TAMM41: variants seen among roughly 807,000 people sequenced by gnomAD.
The protein encoded by TAMM41 is TAM41 mitochondrial translocator assembly and maintenance homolog.
In TAMM41, 36 loss-of-function variants were observed where a neutral mutation model predicts 44.1. The observed-to-expected ratio is 0.82, with a 90% confidence interval of 0.63 to 1.08. TAMM41 has a LOEUF of 1.08. TAMM41 is among the 50% of genes least tolerant of loss of function. The probability of loss-of-function intolerance (pLI) is 0.00; values close to 1 mark genes in which losing one functional copy is unlikely to be tolerated. For missense variants in TAMM41, 417 were observed against 404.3 expected (o/e 1.03, Z -0.27); for synonymous variants, 164 against 153.1 (o/e 1.07, Z -0.53).
At chr3:11,751,089 CT>C in the TAMM41 span, among the ~76,000 whole-genome samples, 386 of 130,238 alleles carry the variant, frequency 3.0e-3, no homozygotes, top group East Asian at 9.7e-3. Flanking sequence ...ACAGATGATA[CT>C]TTTTTTTTTT....
chr3:11,735,217 G>A, the TAMM41 span, among the ~76,000 whole-genome samples: 2 of 151,982 alleles, frequency 1.3e-5, no homozygotes, highest in Non-Finnish European at 1.5e-5. Flanking sequence ...AATCAGCCAG[G>A]CATGGTGGTG....
At position 11,809,558 on chromosome 3, in the gene TAMM41, T is replaced by C. The variant is rs987981883; in HGVS notation, c.833A>G (p.Gln278Arg). 3 of 1,614,164 alleles carry C rather than the reference T, an allele frequency of 1.9e-6. No homozygotes were observed. Among genetic ancestry groups the C allele is most frequent in the Non-Finnish European group, 2.5e-6 (3 of 1,180,036 alleles). ...KNRDVEETLF[Q>R]VAHDPDCGDV... The stretch of plus-strand genomic sequence containing the variant: ...TCCACAGTCGGGATCATGAGCCACT[T>C]GGAATAAAGTTTCTTCCACATCTCT... Residue 278 changes from glutamine (Q) to arginine (R), a missense_variant, in exon 6 of 8, where the codon CAA becomes CGA. By Grantham distance (43) the Gln-to-Arg change is conservative (BLOSUM62 1). Coordinates refer to ENST00000455809, the MANE Select transcript of TAMM41 (RefSeq NM_001284401.2).
At chr3:11,760,689 A>G in the TAMM41 span, among the ~76,000 whole-genome samples, 1 of 151,842 alleles carries the variant, frequency 6.6e-6, no homozygotes. Flanking sequence ...GCCTCCTGAG[A>G]AGCTGGGACT....
chr3:11,817,176 T>C lies in TAMM41; in HGVS notation c.708+16A>G. 1 of 1,601,798 alleles carries C rather than the reference T, an allele frequency of 6.2e-7. No homozygotes were observed. Among genetic ancestry groups the C allele is most frequent in the Non-Finnish European group, 8.5e-7 (1 of 1,171,172 alleles). ...TGTCTTAGAAACAATACAAGCTATT[T>C]TCCACATACAGTTACCTCCAGCCAG... On this transcript the variant is annotated intron_variant, in intron 5 of 7. Transcript: ENST00000455809.
chr3:11,836,744 G>A (rs540414370), intron 3 of TAMM41, among the ~76,000 whole-genome samples: 7 of 152,296 alleles, frequency 4.6e-5, no homozygotes, highest in South Asian at 4.1e-4. Flanking sequence ...GATTACAGGC[G>A]TGAGCCACAG....
Position 11,807,221 on chromosome 3 carries a change from T to C in TAMM41, c.937+612A>G, listed in dbSNP as rs1054770113. 6 of 1,428,550 alleles carry C rather than the reference T, an allele frequency of 4.2e-6. No homozygotes were observed. In the Admixed American group the frequency reaches 8.9e-5, roughly 21 times the overall value. 88.5% of individuals were successfully genotyped at this position (1,428,550 alleles called of 1,614,324 possible). On this transcript the variant is annotated intron_variant, in intron 7 of 7. Transcript: ENST00000455809. ...TGCAGGGAAGGAAAGGTGTACTCTG[T>C]GGCTCACCATACCATCAAACTGAAA...
At chr3:11,762,098 T>C in the TAMM41 span, among the ~76,000 whole-genome samples, 6 of 152,152 alleles carry the variant, frequency 3.9e-5, 1 homozygote, top group Non-Finnish European at 2.9e-5. Flanking sequence ...ACCCAATTCC[T>C]GCTTCTCCAC....
the TAMM41 span, among the ~76,000 whole-genome samples, chr3:11,753,374 C>A: frequency 6.6e-6 from 1 of 151,828 alleles, no homozygotes; most frequent in African/African-American, 2.4e-5. Flanking sequence ...GCAAAGGATG[C>A]AGTGAGCCAA....
intron 2 of TAMM41, among the ~76,000 whole-genome samples, chr3:11,840,589 C>T (rs562852984): frequency 5.4e-4 from 82 of 151,868 alleles, no homozygotes; most frequent in African/African-American, 1.6e-3. Context: ...TTTGTCCATG[C>T]GACAGGCAGG....
the TAMM41 span, among the ~76,000 whole-genome samples, chr3:11,766,763 T>C: frequency 6.6e-6 from 1 of 151,816 alleles, no homozygotes; most frequent in African/African-American, 2.4e-5. Flanking sequence ...GAGATGAGGG[T>C]CTCACTTTGT....
chr3:11,841,434 T>C (rs574086423), intron 2 of TAMM41, among the ~76,000 whole-genome samples: 9 of 152,270 alleles, frequency 5.9e-5, no homozygotes, highest in African/African-American at 2.2e-4. Flanking sequence ...ATTTCCCAGG[T>C]TACAAAGTCC....
chr3:11,831,534 C>T (rs999062685), intron 3 of TAMM41, among the ~76,000 whole-genome samples: 1 of 152,184 alleles, frequency 6.6e-6, no homozygotes, highest in African/African-American at 2.4e-5. Context: ...ACTATCGACA[C>T]ATTTTCTACC....
the TAMM41 span, among the ~76,000 whole-genome samples, chr3:11,764,923 T>C: frequency 6.6e-6 from 1 of 152,170 alleles, no homozygotes; most frequent in Non-Finnish European, 1.5e-5. Flanking sequence ...TGAAACTCAG[T>C]TTTCCTGCTT....
the TAMM41 span, among the ~76,000 whole-genome samples, chr3:11,739,671 C>CAAAAAAAAAAAAAAAA: frequency 1.9e-5 from 1 of 53,440 alleles, no homozygotes; most frequent in Non-Finnish European, 3.2e-5. Context: ...GACTCCATCT[C>CAAAAAAAAAAAAAAAA]AAAAAAAAAA....
chr3:11,751,248 C>T, the TAMM41 span, among the ~76,000 whole-genome samples: 1 of 152,044 alleles, frequency 6.6e-6, no homozygotes, highest in South Asian at 2.1e-4. Context: ...TGTGCCACCA[C>T]ACCTGGCTAA....
At chr3:11,808,192 T>C in intron 6 of TAMM41, 1 of 1,063,926 alleles carries the variant, frequency 9.4e-7, no homozygotes, top group South Asian at 3.9e-5. Context: ...AAAGGGCATT[T>C]TATGACTTAA....
At chr3:11,788,936 T>C (rs751271187), downstream of TAMM41, among the ~76,000 whole-genome samples, 1 of 150,678 alleles carries the variant, frequency 6.6e-6, no homozygotes, top group Non-Finnish European at 1.5e-5. Flanking sequence ...AAATTCCATC[T>C]TGAAAAAACA....
At chr3:11,724,355 G>A in the TAMM41 span, among the ~76,000 whole-genome samples, 2 of 151,570 alleles carry the variant, frequency 1.3e-5, no homozygotes, top group South Asian at 2.1e-4. Context: ...AACCTGCCTC[G>A]GGCTCCCAAA....
At chr3:11,800,351 T>C (rs1313506287) in intron 7 of TAMM41, among the ~76,000 whole-genome samples, 2 of 152,076 alleles carry the variant, frequency 1.3e-5, no homozygotes, top group Non-Finnish European at 2.9e-5. Flanking sequence ...AAATGCTTCA[T>C]TTAAAAGATA....
Sources: allele counts gnomAD v4.1 joint callset (sites outside exome capture counted in the v4.1 genomes callset), GRCh38; gene constraint gnomAD v4.1.1; transcripts MANE v1.5; gene names NCBI Gene and HGNC (gene_info 2026-07-23, HGNC 2026-07-21).